RAP1GAP: variants seen among roughly 807,000 people sequenced by gnomAD.
RAP1GAP encodes rap1 GTPase-activating protein 1.
A neutral mutation model predicts 87.2 loss-of-function variants in RAP1GAP; 35 were observed. That is an observed-to-expected ratio of 0.40 (90% CI 0.31 to 0.53). The LOEUF is 0.53. Ranked by LOEUF, RAP1GAP falls within the 20% of genes least tolerant of loss-of-function variation. The pLI, the probability that RAP1GAP is intolerant of heterozygous loss-of-function variation, is 0.48. For synonymous variants in RAP1GAP, 375 were observed against 363.9 expected, an observed-to-expected ratio of 1.03 and a Z score of -0.35; for missense variants, 734 against 898.9, an observed-to-expected ratio of 0.82 and a Z score of 2.35.
At chr1:21,649,070 G>A (rs1391221375) in intron 2 of RAP1GAP, among the ~76,000 whole-genome samples, 1 of 152,200 alleles carries the variant, frequency 6.6e-6, no homozygotes, top group Non-Finnish European at 1.5e-5. Flanking sequence ...CCAGGCCCAC[G>A]TGATGCTGAT....
intron 22 of RAP1GAP, 66 bp downstream of exon 22, chr1:21,598,334 C>T: frequency 7.1e-7 from 1 of 1,417,206 alleles, no homozygotes; most frequent in Non-Finnish European, 9.9e-7. Flanking sequence ...GAACTGGTGC[C>T]CAGCCCTGTC....
At chr1:21,657,459 A>G (rs2096911779) in intron 1 of RAP1GAP, among the ~76,000 whole-genome samples, 1 of 152,256 alleles carries the variant, frequency 6.6e-6, no homozygotes, top group Non-Finnish European at 1.5e-5. Context: ...TGGAGCATCC[A>G]GCTAACTACT....
intron 20 of RAP1GAP, 67 bp downstream of exon 20, chr1:21,601,617 G>A: frequency 7.8e-7 from 1 of 1,276,942 alleles, no homozygotes; most frequent in Non-Finnish European, 1.1e-6. Flanking sequence ...CCCGGGCCCA[G>A]GCAGGGGAGG....
At position 21,596,375 on chromosome 1, in the gene RAP1GAP, G is replaced by C. The variant is rs1210815799; in HGVS notation, c.*924C>G. 1 of 151,948 alleles carries C rather than the reference G, an allele frequency of 6.6e-6. No individual in the cohort carries two copies. The highest frequency in any genetic ancestry group is 1.5e-5 in the Non-Finnish European group (1 of 67,958). 9.4% of individuals were successfully genotyped at this position (151,948 alleles called of 1,614,324 possible). A position where few individuals can be genotyped will look rare whatever the true frequency, so the allele number is the denominator to read the frequency against. On this transcript the variant is annotated 3_prime_UTR_variant, in exon 25 of 25. Transcript: ENST00000374765. ...ACACACAAGGGCTCCCAGCAGCTGT[G>C]CCGGGCTGCCCCCTCCATGGCGGTC... is the stretch of plus-strand genomic sequence containing the variant.
At position 21,668,974 on chromosome 1, in the gene RAP1GAP, CA is replaced by C. The variant is rs1249671310; in HGVS notation, c.-149+279del. 6.6e-6 allele frequency among the ~76,000 whole-genome samples: 1 copy of C among 151,692 alleles called. No individual in the cohort carries two copies. Among genetic ancestry groups the C allele is most frequent in the Non-Finnish European group, 1.5e-5 (1 of 67,764 alleles). ...CCCCACCCACCCAGGGGGGTGGGAC[CA>C]AAGCCCCCTGGCCGCGGCCTGGACC... On this transcript the variant is annotated intron_variant, in intron 1 of 24. Transcript: ENST00000374765. The surrounding 1 kb of genome is among the most constrained non-coding windows in gnomAD (Gnocchi z 6.2).
At chr1:21,636,780 C>G (rs2094742641) in intron 2 of RAP1GAP, among the ~76,000 whole-genome samples, 1 of 151,232 alleles carries the variant, frequency 6.6e-6, no homozygotes, top group Non-Finnish European at 1.5e-5. Flanking sequence ...GCACTCCAGC[C>G]TGGGCAACAA....
At position 21,598,466 on chromosome 1, in the gene RAP1GAP, C is replaced by T; in HGVS notation, c.1813G>A (p.Asp605Asn). 1 of 1,613,968 alleles carries T rather than the reference C, an allele frequency of 6.2e-7. No individual in the cohort carries two copies. Among genetic ancestry groups the T allele is most frequent in the Middle Eastern group, 1.7e-4 (1 of 6,060 alleles). The change falls in exon 22 of 25, where the codon GAC becomes AAC. Residue 605 changes from aspartate (D) to asparagine (N), a missense_variant. By Grantham distance (23) the Asp-to-Asn change is conservative. Around this residue, in one of 2 missense-constraint regions of RAP1GAP, gnomAD observed 249 missense variants for 252.7 expected, o/e 0.99. Transcript: ENST00000374765. ...AGCCACGTGCTATAGATGAAGGAGT[C>T]CCGCTTGTGGGGTGTTCCTGAGGAT... ...VSSSGTPHKRDSFIYSTWLED... is the reference protein window; with the variant it reads ...VSSSGTPHKRNSFIYSTWLED...
rs1409632352 is a variant in RAP1GAP, at chr1:21,632,616, C to T, written c.-112-6219G>A. Among the ~76,000 whole-genome samples, 3 of 152,340 alleles carry T rather than the reference C, an allele frequency of 2.0e-5. No individual in the cohort carries two copies. The East Asian group carries it at 5.8e-4, about 29-fold the overall frequency. On this transcript the variant is annotated intron_variant, in intron 2 of 24. Coordinates refer to ENST00000374765, the MANE Select transcript of RAP1GAP (RefSeq NM_002885.4). ...TCCATACTCTGCAAAACAGCAGGGTCAGCCCAGGCTCAGTGGTTCATGTCT... is the reference window on the plus strand; with the variant it reads ...TCCATACTCTGCAAAACAGCAGGGTTAGCCCAGGCTCAGTGGTTCATGTCT...
At chr1:21,647,860 T>C (rs1231777171) in intron 2 of RAP1GAP, among the ~76,000 whole-genome samples, 1 of 152,002 alleles carries the variant, frequency 6.6e-6, no homozygotes, top group East Asian at 1.9e-4. Flanking sequence ...GGCGAGGGCC[T>C]GTGGAAATGG....
chr1:21,657,741 C>T (rs2152254858), intron 1 of RAP1GAP, among the ~76,000 whole-genome samples: 1 of 152,320 alleles, frequency 6.6e-6, no homozygotes. Flanking sequence ...CCTGGGGAGA[C>T]CTGCCTGTGG....
At chr1:21,640,750 C>G (rs897072216) in intron 2 of RAP1GAP, among the ~76,000 whole-genome samples, 2 of 152,144 alleles carry the variant, frequency 1.3e-5, no homozygotes, top group Non-Finnish European at 2.9e-5. Context: ...AGGCCTGACT[C>G]TGCCCTGCAG....
intron 1 of RAP1GAP, chr1:21,651,714 T>A: frequency 1.5e-6 from 2 of 1,296,742 alleles, no homozygotes; most frequent in Non-Finnish European, 2.1e-6. Flanking sequence ...CCGCACGGGC[T>A]CCCCCCCACG....
rs374557618 is a variant in RAP1GAP at position 21,599,602 on chromosome 1, C to T, written c.1668G>A (p.Ala556=). The T allele has an allele frequency of 4.2e-5, 68 of 1,606,492 alleles. No individual in the cohort carries two copies. The highest frequency in any genetic ancestry group is 8.0e-5 in the African/African-American group (6 of 74,896). The change falls in exon 21 of 25, where the codon GCG becomes GCA. Residue 556 remains alanine, a synonymous_variant. Transcript: ENST00000374765. The part of the protein sequence containing the change: ...PTTKNRAETA[A]QRAEALKDFS... Reference sequence around the variant, plus strand: ...AGTCCTTGAGCGCCTCTGCTCTCTGCGCTGCGGTCTCCGCTCTGCCACAGA... The same window carrying T: ...AGTCCTTGAGCGCCTCTGCTCTCTGTGCTGCGGTCTCCGCTCTGCCACAGA...
intron 2 of RAP1GAP, among the ~76,000 whole-genome samples, chr1:21,645,208 G>C (rs2095920506): frequency 6.6e-6 from 1 of 152,206 alleles, no homozygotes; most frequent in African/African-American, 2.4e-5. Flanking sequence ...CTATCGCTCT[G>C]AGGCTCTGTA....
Position 21,609,446 on chromosome 1 carries a change from A to C in RAP1GAP, c.1071+129T>G. The C allele has an allele frequency of 1.9e-6, 1 of 531,200 alleles. No individual in the cohort carries two copies. Among genetic ancestry groups the C allele is most frequent in the East Asian group, 3.1e-5 (1 of 32,284 alleles). 32.9% of individuals were successfully genotyped at this position (531,200 alleles called of 1,614,324 possible). ...AATGGAAAAGCCAGGCCCCGGTTGCAGTTAGGGGAGCCCAGCTGCCCTGGC... is the reference window on the plus strand; with the variant it reads ...AATGGAAAAGCCAGGCCCCGGTTGCCGTTAGGGGAGCCCAGCTGCCCTGGC... On this transcript the variant is annotated intron_variant, in intron 15 of 24. Transcript: ENST00000374765. This position sits in a 1 kb window ranked among gnomAD's most constrained non-coding sequence, Gnocchi z 4.4.
chr1:21,628,842 C>G (rs2093068571), intron 2 of RAP1GAP, among the ~76,000 whole-genome samples: 1 of 150,460 alleles, frequency 6.6e-6, no homozygotes, highest in African/African-American at 2.5e-5. Context: ...GAGCTGAGAT[C>G]ACACCACTGC....
intron 1 of RAP1GAP, among the ~76,000 whole-genome samples, chr1:21,661,278 G>A (rs549031941): frequency 1.3e-5 from 2 of 150,486 alleles, no homozygotes; most frequent in East Asian, 1.9e-4. Context: ...GGAGGGAGAC[G>A]CAGCCATTCT....
chr1:21,630,737 G>C (rs116589687), intron 2 of RAP1GAP, among the ~76,000 whole-genome samples: 6 of 150,778 alleles, frequency 4.0e-5, no homozygotes, highest in African/African-American at 1.2e-4. Flanking sequence ...TGTTGTTGTT[G>C]TTGAGATGGG....
chr1:21,626,894 C>T (rs2092342643), intron 2 of RAP1GAP: 1 of 456,700 alleles, frequency 2.2e-6, no homozygotes, highest in Non-Finnish European at 4.4e-6. Context: ...AGCCCTCGTT[C>T]TAGGCCCGAG....
Sources: gnomAD v4.1 joint callset for allele counts (sites outside exome capture counted in the v4.1 genomes callset) on GRCh38, gnomAD v4.1.1 for gene constraint, gnomAD v4.1.1 regional missense constraint, Gnocchi (gnomAD v3.1) non-coding constraint, MANE v1.5 for transcripts, NCBI Gene and HGNC (gene_info 2026-07-23, HGNC 2026-07-21) for gene names.